The following LRFN5 variants were observed in gnomAD, a reference collection of about 807,000 sequenced individuals.
LRFN5 encodes the protein leucine rich repeat and fibronectin type III domain containing 5, also known as leucine-rich repeat and fibronectin type-III domain-containing protein 5.
A neutral mutation model predicts 45.6 loss-of-function variants in LRFN5; 24 were observed. The observed-to-expected ratio is 0.53, with a 90% CI of 0.38 to 0.74. The LOEUF is 0.74. Among genes scored for constraint, LRFN5 ranks in the 30% least tolerant of loss-of-function variants. The pLI, the probability that LRFN5 is intolerant of heterozygous loss-of-function variation, is 0.00. For synonymous variants in LRFN5, 340 were observed against 313.8 expected, an observed-to-expected ratio of 1.08 and a Z score of -0.88; for missense variants, 776 against 861.5, an observed-to-expected ratio of 0.90 and a Z score of 1.24.
At chr14:41,875,843 T>TC (rs1192742469) in intron 2 of LRFN5, among the ~76,000 whole-genome samples, 1 of 152,132 alleles carries the variant, frequency 6.6e-6, no homozygotes, top group Non-Finnish European at 1.5e-5. Flanking sequence ...TTCCTTCTGT[T>TC]CCCCAAAAGA....
chr14:41,652,794 T>G (rs1594584051), intron 1 of LRFN5, among the ~76,000 whole-genome samples: 1 of 152,288 alleles, frequency 6.6e-6, no homozygotes, highest in Non-Finnish European at 1.5e-5. Flanking sequence ...GTATAAGCAT[T>G]CCTTTTTCTC....
chr14:41,741,504 T>G (rs1157402839), intron 1 of LRFN5, among the ~76,000 whole-genome samples: 1 of 151,758 alleles, frequency 6.6e-6, no homozygotes, highest in Non-Finnish European at 1.5e-5. Flanking sequence ...TTCAGAAGCA[T>G]GAAATTGGAT....
At chr14:41,894,218 G>T in intron 4 of LRFN5, 1 of 985,008 alleles carries the variant, frequency 1.0e-6, no homozygotes, top group Non-Finnish European at 1.2e-6. Flanking sequence ...ACATTAGCAA[G>T]GTTAACATAT....
intron 2 of LRFN5, among the ~76,000 whole-genome samples, chr14:41,795,921 A>G (rs1435558906): frequency 1.5e-5 from 1 of 67,448 alleles, no homozygotes; most frequent in East Asian, 1.4e-3. Flanking sequence ...AACTTAAAGT[A>G]TATAAAAAAA....
At chr14:41,693,807 TTAAAAACAGAAAGAA>T (rs1317005924) in intron 1 of LRFN5, among the ~76,000 whole-genome samples, 1 of 152,018 alleles carries the variant, frequency 6.6e-6, no homozygotes, top group Non-Finnish European at 1.5e-5. Flanking sequence ...ATACTGTTGA[TTAAAAACAGAAAGAA>T]TAAATGCTCG....
intron 2 of LRFN5, among the ~76,000 whole-genome samples, chr14:41,810,939 A>G (rs985485577): frequency 6.9e-6 from 1 of 144,102 alleles, no homozygotes; most frequent in African/African-American, 2.6e-5. Context: ...TGGTTTTTTT[A>G]TGAAAATAAA....
intron 1 of LRFN5, among the ~76,000 whole-genome samples, chr14:41,702,218 G>T (rs1446318032): frequency 1.3e-5 from 2 of 152,236 alleles, no homozygotes; most frequent in African/African-American, 2.4e-5. Context: ...TGAGGTTTTT[G>T]TCTGTGTTAC....
intron 1 of LRFN5, among the ~76,000 whole-genome samples, chr14:41,699,274 G>T (rs1882741851): frequency 6.6e-6 from 1 of 152,010 alleles, no homozygotes; most frequent in Admixed American, 6.6e-5. Flanking sequence ...CTTTTTCTGT[G>T]GGTCCACACT....
chr14:41,794,134 G>T lies in LRFN5; in HGVS notation c.-21+27105G>T, dbSNP rs142461380. ...CACAAATGATGAAAATAATATAATAGCTCCAAAGAGCTGTCCAGACATTTT... is the reference window on the plus strand; with the variant it reads ...CACAAATGATGAAAATAATATAATATCTCCAAAGAGCTGTCCAGACATTTT... On this transcript the variant is annotated intron_variant, in intron 2 of 5. Transcript: ENST00000298119. Among the ~76,000 whole-genome samples, 707 of 151,942 alleles carry T rather than the reference G, an allele frequency of 4.7e-3. 5 individuals carry two copies. Among genetic ancestry groups the T allele is most frequent in the Non-Finnish European group, 7.5e-3 (509 of 67,930 alleles).
At chr14:41,898,778 A>G in intron 4 of LRFN5, 139 bp from the exon 5 acceptor site, 1 of 736,054 alleles carries the variant, frequency 1.4e-6, no homozygotes, top group Non-Finnish European at 2.2e-6. Context: ...TGAACTGGTA[A>G]GTTTTTTAAA....
intron 2 of LRFN5, among the ~76,000 whole-genome samples, chr14:41,833,572 G>A (rs1021806139): frequency 3.3e-5 from 5 of 152,112 alleles, no homozygotes; most frequent in African/African-American, 4.8e-5. Context: ...AGTTTCCTTC[G>A]TCATTGTCTT....
At chr14:41,649,980 C>A in intron 1 of LRFN5, among the ~76,000 whole-genome samples, 1 of 152,036 alleles carries the variant, frequency 6.6e-6, no homozygotes, top group South Asian at 2.1e-4. Context: ...TTGTAGTGCT[C>A]AAAGGCAATA....
chr14:41,626,267 T>G (rs1050594742), intron 1 of LRFN5, among the ~76,000 whole-genome samples: 10 of 152,158 alleles, frequency 6.6e-5, no homozygotes, highest in African/African-American at 2.2e-4. Context: ...TATATGCTAC[T>G]TACTGTGCTG....
At chr14:41,859,378 G>T (rs1889583761) in intron 2 of LRFN5, among the ~76,000 whole-genome samples, 2 of 152,128 alleles carry the variant, frequency 1.3e-5, no homozygotes, top group African/African-American at 2.4e-5. Flanking sequence ...ATACAATTCT[G>T]CAGGTAAAAC....
intron 4 of LRFN5, chr14:41,893,342 A>G (rs899687170): frequency 6.3e-6 from 6 of 957,484 alleles, no homozygotes; most frequent in Non-Finnish European, 6.2e-6. Context: ...TAATAATTTG[A>G]TGGTGTTCTA....
intron 5 of LRFN5, among the ~76,000 whole-genome samples, chr14:41,900,003 T>C (rs368443116): frequency 1.3e-5 from 2 of 152,084 alleles, no homozygotes; most frequent in African/African-American, 4.8e-5. Context: ...GTTCTCTCTC[T>C]CAATTTTAAC....
chr14:41,705,331 T>C (rs183741306), intron 1 of LRFN5, among the ~76,000 whole-genome samples: 64 of 152,316 alleles, frequency 4.2e-4, no homozygotes, highest in African/African-American at 1.5e-3. Flanking sequence ...AGTACCTTGT[T>C]CTAGATTGTG....
At chr14:41,831,103 G>C (rs1308721588) in intron 2 of LRFN5, among the ~76,000 whole-genome samples, 1 of 151,990 alleles carries the variant, frequency 6.6e-6, no homozygotes, top group Non-Finnish European at 1.5e-5. Flanking sequence ...TGTTTATTTT[G>C]AATAAAGTGA....
intron 3 of LRFN5, among the ~76,000 whole-genome samples, chr14:41,890,044 A>G (rs953216556): frequency 6.6e-6 from 1 of 151,974 alleles, no homozygotes; most frequent in African/African-American, 2.4e-5. Flanking sequence ...TTATATTTTT[A>G]TTAGAGACGG....
Sources: allele counts gnomAD v4.1 joint callset (sites outside exome capture counted in the v4.1 genomes callset), GRCh38; gene constraint gnomAD v4.1.1; transcripts MANE v1.5; gene names NCBI Gene and HGNC (gene_info 2026-07-23, HGNC 2026-07-21).